The following ITGB5 variants were observed in gnomAD, a reference collection of about 807,000 sequenced individuals.
The protein encoded by ITGB5 is integrin subunit beta 5, also known as integrin beta-5.
A neutral mutation model predicts 84.8 loss-of-function variants in ITGB5; 38 were observed. The observed-to-expected ratio is 0.45, with a 90% confidence interval of 0.35 to 0.59. The LOEUF (loss-of-function observed/expected upper bound fraction) is 0.59, where lower values mean the gene tolerates loss of function less well. Ranked by LOEUF, ITGB5 falls within the 20% of genes least tolerant of loss-of-function variation. The probability of loss-of-function intolerance (pLI) is 0.01; values close to 1 mark genes in which losing one functional copy is unlikely to be tolerated. For synonymous variants in ITGB5, 393 were observed against 414.4 expected (o/e 0.95, Z 0.63); for missense variants, 905 against 1,034.5 (o/e 0.87, Z 1.72).
intron 8 of ITGB5, 37 bp from the exon 9 acceptor site, chr3:124,809,193 T>C: frequency 1.9e-6 from 3 of 1,612,166 alleles, no homozygotes; most frequent in South Asian, 2.2e-5. Flanking sequence ...AACCATTTAA[T>C]AAAGGCTGTG....
chr3:124,828,323 T>C (rs754985594), intron 5 of ITGB5, among the ~76,000 whole-genome samples: 4 of 152,182 alleles, frequency 2.6e-5, no homozygotes, highest in Admixed American at 6.5e-5. Context: ...TGCATATCTA[T>C]GCGATGGAAT....
chr3:124,897,445 T>C (rs764826843), intron 1 of ITGB5, among the ~76,000 whole-genome samples: 16 of 152,200 alleles, frequency 1.1e-4, no homozygotes, highest in Non-Finnish European at 2.2e-4. Flanking sequence ...CTTGCCTCCA[T>C]TGGAAGAGTT....
At position 124,796,836 on chromosome 3, in the gene ITGB5, A is replaced by G; in HGVS notation, c.1264-19T>C. On this transcript the variant is annotated intron_variant, in intron 9 of 14. Coordinates refer to ENST00000296181, the MANE Select transcript of ITGB5 (RefSeq NM_002213.5). ...AAGATGCCTGGGCAGAAGGAAGAGA[A>G]GGGATATCATGGCTGCGGCAAGCCA... The G allele has an allele frequency of 2.5e-6, 4 of 1,577,378 alleles. No individual in the cohort carries two copies. The highest frequency in any genetic ancestry group is 3.5e-6 in the Non-Finnish European group (4 of 1,158,834).
chr3:124,882,044 C>A (rs1934594320), intron 1 of ITGB5, among the ~76,000 whole-genome samples: 1 of 152,168 alleles, frequency 6.6e-6, no homozygotes, highest in Non-Finnish European at 1.5e-5. Flanking sequence ...CATGCATAGT[C>A]CCTGACTTCA....
chr3:124,796,325 G>A (rs2064222776), intron 10 of ITGB5, 63 bp downstream of exon 10: 2 of 1,430,084 alleles, frequency 1.4e-6, no homozygotes, highest in African/African-American at 2.8e-5. Context: ...GCAGGCTTTG[G>A]GAGGGTGTCC....
chr3:124,842,845 C>A (rs2065028530), intron 4 of ITGB5, among the ~76,000 whole-genome samples: 1 of 152,180 alleles, frequency 6.6e-6, no homozygotes, highest in African/African-American at 2.4e-5. Flanking sequence ...AAGGGGCAAT[C>A]TTTGGTTCTC....
intron 4 of ITGB5, among the ~76,000 whole-genome samples, chr3:124,842,048 T>G (rs931909393): frequency 1.3e-5 from 2 of 152,252 alleles, no homozygotes; most frequent in Non-Finnish European, 2.9e-5. Flanking sequence ...AATCTTGTCA[T>G]GTCAATCCAC....
intron 1 of ITGB5, among the ~76,000 whole-genome samples, chr3:124,883,515 C>T (rs1321996119): frequency 1.3e-5 from 2 of 152,168 alleles, no homozygotes. Flanking sequence ...TAAACCTGTG[C>T]CTGGTTACCT....
At chr3:124,860,812 G>C (rs1446664952) in intron 2 of ITGB5, among the ~76,000 whole-genome samples, 1 of 152,170 alleles carries the variant, frequency 6.6e-6, no homozygotes, top group East Asian at 1.9e-4. Flanking sequence ...CCAGACTGCT[G>C]GCAGAGGCAC....
upstream of ITGB5, among the ~76,000 whole-genome samples, chr3:124,891,203 A>G (rs1161770100): frequency 6.6e-6 from 1 of 151,950 alleles, no homozygotes; most frequent in Non-Finnish European, 1.5e-5. Context: ...TGACCCAACA[A>G]CTCTAGTTCT....
intron 3 of ITGB5, among the ~76,000 whole-genome samples, chr3:124,856,600 T>A (rs958303182): frequency 1.8e-4 from 28 of 152,296 alleles, no homozygotes; most frequent in African/African-American, 6.7e-4. Context: ...TACAAAAAGG[T>A]GAATAATACA....
At chr3:124,853,335 T>C (rs968899314) in intron 3 of ITGB5, among the ~76,000 whole-genome samples, 36 of 152,190 alleles carry the variant, frequency 2.4e-4, no homozygotes, top group Non-Finnish European at 3.5e-4. Context: ...TATCCCAGGA[T>C]TAAATCCAGA....
chr3:124,811,009 G>A (rs2064493046), intron 8 of ITGB5, among the ~76,000 whole-genome samples: 1 of 151,948 alleles, frequency 6.6e-6, no homozygotes, highest in African/African-American at 2.4e-5. Flanking sequence ...TTAACAGCTT[G>A]TTGAAAATAC....
intron 5 of ITGB5, among the ~76,000 whole-genome samples, chr3:124,831,184 G>A (rs541155582): frequency 1.3e-5 from 2 of 152,124 alleles, no homozygotes; most frequent in South Asian, 2.1e-4. Flanking sequence ...TCCCATGCCC[G>A]GCACCACCCA....
At chr3:124,900,606 A>G (rs963191696) in intron 1 of ITGB5, among the ~76,000 whole-genome samples, 1 of 152,114 alleles carries the variant, frequency 6.6e-6, no homozygotes, top group Non-Finnish European at 1.5e-5. Flanking sequence ...GACTGAGAAG[A>G]ACACCCCCAT....
intron 5 of ITGB5, among the ~76,000 whole-genome samples, chr3:124,835,833 G>A (rs544533000): frequency 6.6e-6 from 1 of 152,328 alleles, no homozygotes; most frequent in African/African-American, 2.4e-5. Flanking sequence ...GGGAGCAAGA[G>A]GAAACCCTGA....
At chr3:124,780,651 T>C (rs2035264) in intron 10 of ITGB5, 51,946 of 140,302 alleles carry the variant, frequency 0.37, 10,012 homozygotes, top group South Asian at 0.48. Context: ...CCACGGTCAG[T>C]GTCTCCTGCA....
chr3:124,887,267 C>T lies in ITGB5; in HGVS notation c.-267G>A, dbSNP rs1248765533. ...CGCCGCTCGGGACGGCCCCAGCGGG[C>T]TGCTCCGGGTAGGGGAGGGGCTGGC... On this transcript the variant is annotated 5_prime_UTR_variant, in exon 1 of 15. Transcript: ENST00000296181. 6.6e-6 allele frequency: 1 copy of T among 152,142 alleles called. No homozygotes were observed. The highest frequency in any genetic ancestry group is 1.5e-5 in the Non-Finnish European group (1 of 68,122). The allele number at this position is 152,142 out of a possible 1,614,324, so 9.4% of individuals were successfully genotyped here. A position where few individuals can be genotyped will look rare whatever the true frequency, so the allele number is the denominator to read the frequency against.
chr3:124,823,409 A>G (rs6438855), intron 5 of ITGB5, among the ~76,000 whole-genome samples: 29,628 of 151,920 alleles, frequency 0.2, 3,554 homozygotes, highest in African/African-American at 0.33. Context: ...AGCACAGTGA[A>G]GAGGCCAGAC....
Sources: gnomAD v4.1 joint callset for allele counts (sites outside exome capture counted in the v4.1 genomes callset) on GRCh38, gnomAD v4.1.1 for gene constraint, MANE v1.5 for transcripts, NCBI Gene and HGNC (gene_info 2026-07-23, HGNC 2026-07-21) for gene names.